The following GINS1 variants were observed in gnomAD, a reference collection of about 807,000 sequenced individuals.
The protein encoded by GINS1 is DNA replication complex GINS protein PSF1.
GINS1 carries 26 observed loss-of-function variants against 34.9 expected under a neutral mutation model. That is an observed-to-expected ratio of 0.74 (90% CI 0.55 to 1.03). The LOEUF is 1.03. Among genes scored for constraint, GINS1 ranks in the 50% least tolerant of loss-of-function variants. The probability of loss-of-function intolerance (pLI) is 0.00; values close to 1 mark genes in which losing one functional copy is unlikely to be tolerated. For missense variants in GINS1, 235 were observed against 237.9 expected (o/e 0.99, Z 0.08); for synonymous variants, 97 against 84.4 (o/e 1.15, Z -0.82).
intron 6 of GINS1, among the ~76,000 whole-genome samples, chr20:25,442,463 A>C (rs2090487434): frequency 1.3e-5 from 2 of 151,028 alleles, no homozygotes; most frequent in Admixed American, 1.3e-4. Context: ...CAAGCAATCC[A>C]CCTTCCTTAG....
chr20:25,426,612 G>A lies in GINS1; in HGVS notation c.447+1285G>A, dbSNP rs185622477. Among the ~76,000 whole-genome samples the A allele has an allele frequency of 1.9e-4, 29 of 151,466 alleles. No homozygotes were observed. The East Asian group carries it at 4.1e-3, about 22-fold the overall frequency. On this transcript the variant is annotated intron_variant, in intron 5 of 6. Coordinates refer to ENST00000262460, the MANE Select transcript of GINS1 (RefSeq NM_021067.5). Reference sequence around the variant, plus strand: ...GCGATCTTGGCTCACCGCAACCTCCGCCTCCTGGGTTCAAGTGATTCTCTG... The same window carrying A: ...GCGATCTTGGCTCACCGCAACCTCCACCTCCTGGGTTCAAGTGATTCTCTG...
At chr20:25,418,256 A>C in intron 4 of GINS1, 61 bp downstream of exon 4, 1 of 959,812 alleles carries the variant, frequency 1.0e-6, no homozygotes, top group South Asian at 1.3e-5. Context: ...GCATTGTTCT[A>C]TAATAGTGTT....
intron 5 of GINS1, among the ~76,000 whole-genome samples, chr20:25,439,125 T>G (rs2090469216): frequency 6.6e-6 from 1 of 152,166 alleles, no homozygotes. Flanking sequence ...CTAAAACCTT[T>G]CAGTAGATAA....
intron 5 of GINS1, 112 bp downstream of exon 5, chr20:25,425,439 C>T (rs1000308380): frequency 3.7e-6 from 2 of 542,932 alleles, no homozygotes; most frequent in Non-Finnish European, 6.6e-6. Flanking sequence ...AGAAAAGAAG[C>T]ATAGACCAAA....
chr20:25,441,959 T>C lies in GINS1; in HGVS notation c.522+183T>C, dbSNP rs1231108333. On this transcript the variant is annotated intron_variant, in intron 6 of 6. Transcript: ENST00000262460. The stretch of plus-strand genomic sequence containing the variant: ...TAAGACTGGAAGCAAATGTTGCATA[T>C]AATAAAAGATTCATTAATTTAGTAG... 2.0e-5 allele frequency among the ~76,000 whole-genome samples: 3 copies of C among 152,332 alleles called. No individual in the cohort carries two copies. In the South Asian group the frequency reaches 6.2e-4, roughly 32 times the overall value.
At chr20:25,428,888 A>G (rs559765652) in intron 5 of GINS1, among the ~76,000 whole-genome samples, 1 of 151,836 alleles carries the variant, frequency 6.6e-6, no homozygotes, top group African/African-American at 2.4e-5. Flanking sequence ...TCTTTATGCC[A>G]GAACTGTAGT....
intron 6 of GINS1, among the ~76,000 whole-genome samples, chr20:25,445,053 A>G (rs1307470839): frequency 6.6e-6 from 1 of 152,244 alleles, no homozygotes; most frequent in East Asian, 1.9e-4. Flanking sequence ...TTTTAAAAAT[A>G]TAAACACTAA....
At chr20:25,435,321 C>T (rs965799549) in intron 5 of GINS1, among the ~76,000 whole-genome samples, 3 of 152,076 alleles carry the variant, frequency 2.0e-5, no homozygotes, top group Admixed American at 6.6e-5. Context: ...TTTTTAGAGA[C>T]AGGGTCTCAC....
At chr20:25,414,189 C>CA (rs58400500) in intron 2 of GINS1, among the ~76,000 whole-genome samples, 14,687 of 66,164 alleles carry the variant, frequency 0.22, 1,535 homozygotes, top group African/African-American at 0.37. Context: ...ACTCTGTCTC[C>CA]AAAAAAAAAA....
rs140238153 is a variant in GINS1 at position 25,417,603 on chromosome 20, C to T, written c.239+401C>T. Among the ~76,000 whole-genome samples, 796 of 152,218 alleles carry T rather than the reference C, an allele frequency of 5.2e-3. 7 individuals carry two copies. Among genetic ancestry groups the T allele is most frequent in the African/African-American group, 0.017 (722 of 41,528 alleles). The stretch of plus-strand genomic sequence containing the variant: ...AGGCACAGTGGCTCATGCCTATAAT[C>T]CCAGCAATTTTGGAGGCCAAGGCGG... On this transcript the variant is annotated intron_variant, in intron 3 of 6. Transcript: ENST00000262460.
chr20:25,417,337 A>AT (rs939798321), intron 3 of GINS1, 135 bp downstream of exon 3: 9 of 600,700 alleles, frequency 1.5e-5, no homozygotes, highest in Non-Finnish European at 2.6e-5. Flanking sequence ...CTGTGTTTTC[A>AT]TTTTTTTAAT....
intron 5 of GINS1, among the ~76,000 whole-genome samples, chr20:25,426,961 GA>G (rs1374549006): frequency 1.3e-5 from 2 of 151,990 alleles, no homozygotes; most frequent in Non-Finnish European, 2.9e-5. Flanking sequence ...ATGCTGCTAT[GA>G]ACGTGGATAT....
rs374005393 is a variant in GINS1, at chr20:25,435,897, CCA to C, written c.448-5803_448-5802del. Among the ~76,000 whole-genome samples the C allele has an allele frequency of 2.6e-3, 398 of 150,754 alleles. 9 individuals carry two copies. In the East Asian group the frequency reaches 0.048, roughly 18 times the overall value. On this transcript the variant is annotated intron_variant, in intron 5 of 6. Coordinates refer to ENST00000262460, the MANE Select transcript of GINS1 (RefSeq NM_021067.5). ...GCGCAATCTCAGCTCACTGCATCCT[CCA>C]CCTCCCGGGTTCATGCCATTCTCCT...
At chr20:25,431,249 A>G (rs895929528) in intron 5 of GINS1, among the ~76,000 whole-genome samples, 19 of 152,112 alleles carry the variant, frequency 1.2e-4, no homozygotes, top group Non-Finnish European at 2.5e-4. Flanking sequence ...GATTGGTAGT[A>G]ATGTCCTCAC....
intron 5 of GINS1, among the ~76,000 whole-genome samples, chr20:25,440,293 G>A (rs1366767816): frequency 6.6e-6 from 1 of 152,056 alleles, no homozygotes; most frequent in African/African-American, 2.4e-5. Context: ...GAGCTGCCAT[G>A]TACAGTCAGT....
chr20:25,431,359 A>T (rs568071171), intron 5 of GINS1, among the ~76,000 whole-genome samples: 1 of 152,034 alleles, frequency 6.6e-6, no homozygotes, highest in Non-Finnish European at 1.5e-5. Flanking sequence ...ACCAAATTTT[A>T]GTTTTATTGG....
At chr20:25,432,613 C>T (rs956575573) in intron 5 of GINS1, among the ~76,000 whole-genome samples, 2 of 151,762 alleles carry the variant, frequency 1.3e-5, no homozygotes, top group South Asian at 2.1e-4. Flanking sequence ...ATTACAGGCA[C>T]GTGCCACCAT....
intron 1 of GINS1, chr20:25,413,562 T>C (rs1332659321): frequency 2.1e-6 from 1 of 476,474 alleles, no homozygotes; most frequent in Non-Finnish European, 3.7e-6. Flanking sequence ...AACTGTCAAG[T>C]TTTTGCCCAC....
Position 25,413,906 on chromosome 20 carries a change from A to G in GINS1, c.140+52A>G, listed in dbSNP as rs746729320. ...AACAATTCAATAATTAAGATGTTGA[A>G]ATTGGCCGGGCGCGGTGGCTCACGC... On this transcript the variant is annotated intron_variant, in intron 2 of 6. Coordinates refer to ENST00000262460, the MANE Select transcript of GINS1 (RefSeq NM_021067.5). The G allele has an allele frequency of 5.4e-6, 6 of 1,118,520 alleles. No individual in the cohort carries two copies. In the African/African-American group the frequency reaches 7.6e-5, roughly 14 times the overall value. The allele number at this position is 1,118,520 out of a possible 1,614,324, so 69.3% of individuals were successfully genotyped here.
Sources: allele counts gnomAD v4.1 joint callset (sites outside exome capture counted in the v4.1 genomes callset), GRCh38; gene constraint gnomAD v4.1.1; transcripts MANE v1.5; gene names NCBI Gene and HGNC (gene_info 2026-07-23, HGNC 2026-07-21).